Variants in TSC22D1 observed in about 807,000 individuals in gnomAD.
TSC22D1 encodes the protein TSC22 domain family protein 1.
A neutral mutation model predicts 74.2 loss-of-function variants in TSC22D1; 9 were observed. The observed-to-expected ratio is 0.12, with a 90% CI of 0.07 to 0.21. The LOEUF (loss-of-function observed/expected upper bound fraction) is 0.21, where lower values mean the gene tolerates loss of function less well. Ranked by LOEUF, TSC22D1 falls within the 10% of genes least tolerant of loss-of-function variation. The pLI, the probability that TSC22D1 is intolerant of heterozygous loss-of-function variation, is 1.00. For missense variants in TSC22D1, 1,427 were observed against 1,304.7 expected (o/e 1.09, Z -1.44); for synonymous variants, 586 against 492.5 (o/e 1.19, Z -2.51).
intron 1 of TSC22D1, among the ~76,000 whole-genome samples, chr13:44,455,766 A>C (rs1053496706): frequency 6.6e-6 from 1 of 152,238 alleles, no homozygotes; most frequent in African/African-American, 2.4e-5. Context: ...CTGACTAAGC[A>C]TGGTGCACCG....
chr13:44,481,030 C>A (rs1878153709), intron 1 of TSC22D1, among the ~76,000 whole-genome samples: 2 of 152,084 alleles, frequency 1.3e-5, no homozygotes, highest in African/African-American at 2.4e-5. Context: ...GAAACACCAA[C>A]GTTTAAGAGA....
At chr13:44,539,185 T>C in intron 1 of TSC22D1, 1 of 985,240 alleles carries the variant, frequency 1.0e-6, no homozygotes, top group Non-Finnish European at 1.2e-6. Context: ...TCAGGGATAC[T>C]GTATCCTGAA....
chr13:44,510,423 C>T (rs921010916), intron 1 of TSC22D1, among the ~76,000 whole-genome samples: 1 of 151,888 alleles, frequency 6.6e-6, no homozygotes, highest in South Asian at 2.1e-4. Context: ...TCATACTCTT[C>T]GGCCCTGCAA....
intron 1 of TSC22D1, among the ~76,000 whole-genome samples, chr13:44,457,071 C>T (rs1227429705): frequency 6.6e-6 from 1 of 152,212 alleles, no homozygotes. Context: ...TTTGTTCCAA[C>T]ACAATTCATA....
intron 1 of TSC22D1, among the ~76,000 whole-genome samples, chr13:44,484,664 G>A (rs1176730343): frequency 1.3e-5 from 2 of 152,152 alleles, no homozygotes; most frequent in African/African-American, 2.4e-5. Context: ...GCAAACCCTA[G>A]AAGTAAATCT....
At chr13:44,457,637 C>CAAAAAGAAAA (rs1876744400) in intron 1 of TSC22D1, among the ~76,000 whole-genome samples, 1 of 85,416 alleles carries the variant, frequency 1.2e-5, no homozygotes, top group African/African-American at 4.6e-5. Flanking sequence ...AAGCAAATAG[C>CAAAAAGAAAA]AAAAAAAAAA....
Position 44,574,280 on chromosome 13 carries a change from T to C in TSC22D1, c.1795A>G (p.Ser599Gly), listed in dbSNP as rs1441371437. Reference sequence around the variant, plus strand: ...TATGGTAGCTGGGGTTGAGCCAAACTGGAAATGGAAGGCTGCTGACCTAAA... The same window carrying C: ...TATGGTAGCTGGGGTTGAGCCAAACCGGAAATGGAAGGCTGCTGACCTAAA... Reference protein sequence around the residue: ...SALGQQPSISSLAQPQLPYSQ... With the variant: ...SALGQQPSISGLAQPQLPYSQ... Residue 599 changes from serine to glycine, a missense_variant, in exon 1 of 3, where the codon AGT (serine) becomes GGT (glycine). Around this residue, in one of 3 missense-constraint regions of TSC22D1, gnomAD observed 1,343 missense variants for 1,191.5 expected, o/e 1.13. Coordinates refer to ENST00000458659, the MANE Select transcript of TSC22D1 (RefSeq NM_183422.4). 2 of 1,614,064 alleles carry C rather than the reference T, an allele frequency of 1.2e-6. No homozygotes were observed. Among genetic ancestry groups the C allele is most frequent in the African/African-American group, 2.7e-5 (2 of 74,928 alleles).
At chr13:44,437,026 G>GTGGGC in intron 1 of TSC22D1, 1 of 985,440 alleles carries the variant, frequency 1.0e-6, no homozygotes, top group Non-Finnish European at 1.2e-6. Flanking sequence ...CGCTCGTGGG[G>GTGGGC]TGGGCTGGCC....
At chr13:44,498,525 GTTA>G (rs1879078460) in intron 1 of TSC22D1, among the ~76,000 whole-genome samples, 1 of 152,054 alleles carries the variant, frequency 6.6e-6, no homozygotes, top group Non-Finnish European at 1.5e-5. Flanking sequence ...TTGGTATACA[GTTA>G]TACCACACTG....
intron 1 of TSC22D1, chr13:44,436,464 C>A: frequency 1.2e-6 from 2 of 1,603,976 alleles, no homozygotes; most frequent in Non-Finnish European, 1.7e-6. Flanking sequence ...ATAAGTATCC[C>A]ACGAATAAAT....
intron 1 of TSC22D1, among the ~76,000 whole-genome samples, chr13:44,478,963 C>T (rs1379945405): frequency 3.3e-5 from 5 of 151,926 alleles, no homozygotes; most frequent in Non-Finnish European, 5.9e-5. Context: ...ATGTGTGTAG[C>T]TTTTCAGTCA....
At chr13:44,564,992 A>T (rs916800136) in intron 1 of TSC22D1, among the ~76,000 whole-genome samples, 1 of 152,356 alleles carries the variant, frequency 6.6e-6, no homozygotes, top group East Asian at 1.9e-4. Flanking sequence ...CAAAATAAAG[A>T]CAACTAAAGA....
At chr13:44,439,397 C>A (rs1427489962) in intron 1 of TSC22D1, among the ~76,000 whole-genome samples, 1 of 152,104 alleles carries the variant, frequency 6.6e-6, no homozygotes, top group African/African-American at 2.4e-5. Context: ...ACTGAGAAGA[C>A]ATAATTTGAA....
chr13:44,484,132 C>T (rs1018822701), intron 1 of TSC22D1, among the ~76,000 whole-genome samples: 6 of 152,084 alleles, frequency 3.9e-5, no homozygotes, highest in African/African-American at 7.2e-5. Context: ...GACATACATA[C>T]TATCACAAAG....
At chr13:44,562,018 T>G (rs1323983924) in intron 1 of TSC22D1, among the ~76,000 whole-genome samples, 1 of 152,088 alleles carries the variant, frequency 6.6e-6, no homozygotes, top group East Asian at 1.9e-4. Context: ...CTAAGGACAA[T>G]TTCAAAATGA....
chr13:44,491,467 C>T (rs1040599396), intron 1 of TSC22D1, among the ~76,000 whole-genome samples: 4 of 149,118 alleles, frequency 2.7e-5, no homozygotes, highest in Admixed American at 6.7e-5. Flanking sequence ...GGCAGGAGAA[C>T]GGCATGAACC....
intron 1 of TSC22D1, among the ~76,000 whole-genome samples, chr13:44,488,705 A>G (rs1434071005): frequency 1.3e-5 from 2 of 152,252 alleles, no homozygotes; most frequent in African/African-American, 4.8e-5. Context: ...CATTCTGCAT[A>G]TATCAACACT....
At chr13:44,455,770 T>C (rs1020156045) in intron 1 of TSC22D1, among the ~76,000 whole-genome samples, 17 of 152,328 alleles carry the variant, frequency 1.1e-4, no homozygotes, top group African/African-American at 4.1e-4. Context: ...CTAAGCATGG[T>C]GCACCGAACA....
rs754183327 is a variant in TSC22D1 at position 44,574,329 on chromosome 13, T to C, written c.1746A>G (p.Val582=). The change falls in exon 1 of 3, where the codon GTA becomes GTG. Residue 582 remains valine, a synonymous_variant. Coordinates refer to ENST00000458659, the MANE Select transcript of TSC22D1 (RefSeq NM_183422.4). ...AAGCTGAAGTTACACCAACCACATT[T>C]ACAGGCGATGGCTGGATACCAGTTG... ...SAATGIQPSP[V]NVVGVTSALG... is the part of the protein sequence containing the mutation. The C allele has an allele frequency of 1.2e-6, 2 of 1,614,262 alleles. No individual in the cohort carries two copies. The highest frequency in any genetic ancestry group is 1.7e-6 in the Non-Finnish European group (2 of 1,180,042).
Sources: gnomAD v4.1 joint callset for allele counts (sites outside exome capture counted in the v4.1 genomes callset) on GRCh38, gnomAD v4.1.1 for gene constraint, gnomAD v4.1.1 regional missense constraint, MANE v1.5 for transcripts, NCBI Gene and HGNC (gene_info 2026-07-23, HGNC 2026-07-21) for gene names.